The following MXD3 variants were observed in gnomAD, a reference collection of about 807,000 sequenced individuals.
MXD3 encodes Max-associated protein 3.
Under a neutral mutation model 27.5 loss-of-function variants are expected in MXD3, and 20 were observed. The ratio of observed to expected loss-of-function variants is 0.73; its 90% CI spans 0.51 to 1.06. The LOEUF (loss-of-function observed/expected upper bound fraction) is 1.06, where lower values mean the gene tolerates loss of function less well. Ranked by LOEUF, MXD3 falls within the 50% of genes least tolerant of loss-of-function variation. The pLI is 0.00. For missense variants in MXD3, 298 were observed against 291.3 expected (o/e 1.02, Z -0.17); for synonymous variants, 150 against 130.7 (o/e 1.15, Z -1.01).
downstream of MXD3, chr5:177,306,009 G>A (rs774550689): frequency 6.3e-5 from 101 of 1,607,470 alleles, no homozygotes; most frequent in Non-Finnish European, 7.9e-5. Flanking sequence ...TGGGGCTGCT[G>A]GGGCTCTGGG....
At chr5:177,305,879 G>A (rs373543968), downstream of MXD3, 52 of 1,613,686 alleles carry the variant, frequency 3.2e-5, no homozygotes, top group Non-Finnish European at 4.0e-5. Context: ...AGGTGGTGGA[G>A]GAACGATGTG....
At chr5:177,305,792 A>C (rs1182694691), downstream of MXD3, 1 of 1,221,060 alleles carries the variant, frequency 8.2e-7, no homozygotes, top group Non-Finnish European at 1.2e-6. Context: ...CGCCTCATGA[A>C]AAGTGACAGG....
At chr5:177,311,648 G>A (rs1761042744) in intron 1 of MXD3, 113 bp downstream of exon 1, 4 of 1,235,392 alleles carry the variant, frequency 3.2e-6, no homozygotes, top group Non-Finnish European at 4.4e-6. Flanking sequence ...AGGGCGAGGC[G>A]CCCCGGGATT....
chr5:177,312,515 T>TGCGCAG, upstream of MXD3: 1 of 985,380 alleles, frequency 1.0e-6, no homozygotes, highest in South Asian at 4.7e-5. Context: ...TGGGCCTCAA[T>TGCGCAG]GCGCAGGCGC....
chr5:177,310,916 T>C (rs1196373413), intron 2 of MXD3: 1 of 610,696 alleles, frequency 1.6e-6, no homozygotes, highest in Non-Finnish European at 2.9e-6. Context: ...CCCAGGTGGG[T>C]ATGAGGGCCC....
chr5:177,308,213 T>C (rs1053925356), intron 4 of MXD3, among the ~76,000 whole-genome samples: 1 of 152,132 alleles, frequency 6.6e-6, no homozygotes, highest in Non-Finnish European at 1.5e-5. Context: ...TCAAAGGCAT[T>C]TGGGGCCTAG....
intron 4 of MXD3, among the ~76,000 whole-genome samples, chr5:177,308,291 G>A (rs1008307965): frequency 6.6e-6 from 1 of 152,308 alleles, no homozygotes; most frequent in Admixed American, 6.5e-5. Context: ...GCACTGCTGC[G>A]TGTACACTCT....
chr5:177,307,346 C>T lies in MXD3; in HGVS notation c.*242G>A. On this transcript the variant is annotated 3_prime_UTR_variant, in exon 6 of 6. Transcript: ENST00000439742. ...GCAGAGCCAAATGCTTGGGCTCGGG[C>T]CCAAGCTGCCTGCCCTGCAGGGGTC... 6.5e-7 allele frequency: 1 copy of T among 1,532,158 alleles called. No individual in the cohort carries two copies. The highest frequency in any genetic ancestry group is 8.8e-7 in the Non-Finnish European group (1 of 1,131,772). 94.9% of individuals were successfully genotyped at this position (1,532,158 alleles called of 1,614,324 possible).
chr5:177,311,123 G>A, intron 2 of MXD3: 3 of 529,080 alleles, frequency 5.7e-6, no homozygotes, highest in Non-Finnish European at 1.0e-5. Context: ...GTGGGGTGCG[G>A]GAGTGCGAGT....
At chr5:177,308,019 G>T in intron 4 of MXD3, 55 bp from the exon 5 acceptor site, 2 of 1,421,318 alleles carry the variant, frequency 1.4e-6, no homozygotes, top group Admixed American at 2.7e-5. Context: ...GGCTTGGGCT[G>T]CACCCCAGCA....
chr5:177,312,040 C>T (rs1761052117), upstream of MXD3: 1 of 1,247,988 alleles, frequency 8.0e-7, no homozygotes. Flanking sequence ...AGCCGCCCCG[C>T]CCCGAGTGGT....
Position 177,307,518 on chromosome 5 carries a change from G to C in MXD3, c.*70C>G, listed in dbSNP as rs1360040244. On this transcript the variant is annotated 3_prime_UTR_variant, in exon 6 of 6. Transcript: ENST00000439742. ...GACTCCGAGCAGCCCTGAAGGCTTG[G>C]GGAGGGCTCCTGCCTGGCAAGTGGG... is the stretch of plus-strand genomic sequence containing the variant. The C allele has an allele frequency of 6.3e-7, 1 of 1,575,534 alleles. No individual in the cohort carries two copies. The highest frequency in any genetic ancestry group is 1.3e-5 in the African/African-American group (1 of 74,118).
In MXD3 at chr5:177,310,549, A is replaced by T. The variant is rs1212314525; in HGVS notation, c.207-9T>A. 6.2e-7 allele frequency: 1 copy of T among 1,611,240 alleles called. No individual in the cohort carries two copies. Among genetic ancestry groups the T allele is most frequent in the South Asian group, 1.1e-5 (1 of 90,654 alleles). On this transcript the variant is annotated splice_polypyrimidine_tract_variant and intron_variant, in intron 3 of 5. Coordinates refer to ENST00000439742, the MANE Select transcript of MXD3 (RefSeq NM_031300.4). ...GCTTCAACTGGGCCCTCCTGTGGGGAAGAGGTCTGGAGGGCAGTGCCAGCC... is the reference window on the plus strand; with the variant it reads ...GCTTCAACTGGGCCCTCCTGTGGGGTAGAGGTCTGGAGGGCAGTGCCAGCC...
rs1376563021 is a variant in MXD3 at position 177,307,923 on chromosome 5, C to G, written c.363G>C (p.Glu121Asp). ...DQEQRARQLK[E>D]RLRSKQQSLQ... ...GGCTCTGCTGCTTGCTGCGCAGCCT[C>G]TCCTTGAGCTGTCGGGCCCGCTGCT... Residue 121 changes from glutamate (E) to aspartate (D), a missense_variant, in exon 5 of 6, where the codon GAG becomes GAC. By Grantham distance (45) the Glu-to-Asp change is conservative. Transcript: ENST00000439742. The G allele has an allele frequency of 1.3e-6, 2 of 1,589,150 alleles. No individual in the cohort carries two copies. The highest frequency in any genetic ancestry group is 8.6e-7 in the Non-Finnish European group (1 of 1,167,682).
At chr5:177,306,344 G>T (rs762559276), downstream of MXD3, 2 of 1,603,390 alleles carry the variant, frequency 1.2e-6, no homozygotes, top group Non-Finnish European at 1.7e-6. Flanking sequence ...GCCCAGAGGA[G>T]ATTGGTGTCA....
At position 177,311,846 on chromosome 5, in the gene MXD3, C is replaced by T. The variant is rs747430188; in HGVS notation, c.-16G>A. ...AGGGTTCCATGTCGGCGACAGCTGGCGGCGGGCCGGCCTAGGGTGCCGGCC... is the reference window on the plus strand; with the variant it reads ...AGGGTTCCATGTCGGCGACAGCTGGTGGCGGGCCGGCCTAGGGTGCCGGCC... On this transcript the variant is annotated 5_prime_UTR_variant, in exon 1 of 6. Coordinates refer to ENST00000439742, the MANE Select transcript of MXD3 (RefSeq NM_031300.4). The T allele has an allele frequency of 1.2e-6, 2 of 1,608,604 alleles. No individual in the cohort carries two copies. Among genetic ancestry groups the T allele is most frequent in the East Asian group, 2.2e-5 (1 of 44,642 alleles).
chr5:177,310,528 C>T lies in MXD3; in HGVS notation c.219G>A (p.Leu73=). The T allele has an allele frequency of 1.2e-6, 2 of 1,611,432 alleles. No individual in the cohort carries two copies. The highest frequency in any genetic ancestry group is 1.7e-6 in the Non-Finnish European group (2 of 1,178,788). The change falls in exon 4 of 6, where the codon TTG becomes TTA. Residue 73 remains leucine, a synonymous_variant. Coordinates refer to ENST00000439742, the MANE Select transcript of MXD3 (RefSeq NM_031300.4). The stretch of plus-strand genomic sequence containing the variant: ...GCTTCAGCCGCTCCAGGCACCGCTT[C>T]AACTGGGCCCTCCTGTGGGGAAGAG... ...NELEKRRRAQ[L]KRCLERLKQQ...
rs767840791 is a variant in MXD3 at position 177,310,485 on chromosome 5, C to T, written c.262G>A (p.Ala88Thr). The change falls in exon 4 of 6, where the codon GCC becomes ACC. Residue 88 changes from alanine to threonine, a missense_variant. By Grantham distance (58) the Ala-to-Thr change is moderately conservative (BLOSUM62 0). Coordinates refer to ENST00000439742, the MANE Select transcript of MXD3 (RefSeq NM_031300.4). ...AGCGTGGTGTACCGGGCACAGTCGGCCCCCAGGGGCATCTGCTGCTTCAGC... is the reference window on the plus strand; with the variant it reads ...AGCGTGGTGTACCGGGCACAGTCGGTCCCCAGGGGCATCTGCTGCTTCAGC... ...ERLKQQMPLG[A>T]DCARYTTLSL... 3.7e-6 allele frequency: 6 copies of T among 1,612,930 alleles called. No homozygotes were observed. The highest frequency in any genetic ancestry group is 5.1e-6 in the Non-Finnish European group (6 of 1,179,694).
chr5:177,312,183 C>T, upstream of MXD3: 2 of 1,028,140 alleles, frequency 1.9e-6, no homozygotes, highest in Non-Finnish European at 1.2e-6. Context: ...TCTTTGATCT[C>T]AGCTTCCAGC....
Sources: allele counts gnomAD v4.1 joint callset (sites outside exome capture counted in the v4.1 genomes callset), GRCh38; gene constraint gnomAD v4.1.1; transcripts MANE v1.5; gene names NCBI Gene and HGNC (gene_info 2026-07-23, HGNC 2026-07-21).